The following RFC2 variants were observed in gnomAD, a reference collection of about 807,000 sequenced individuals.
RFC2 encodes replication factor C subunit 2.
RFC2 carries 34 observed loss-of-function variants against 44.8 expected under a neutral mutation model. That is an observed-to-expected ratio of 0.76 (90% CI 0.58 to 1.01). The LOEUF (loss-of-function observed/expected upper bound fraction) is 1.01, where lower values mean the gene tolerates loss of function less well. Ranked by LOEUF, RFC2 falls within the 50% of genes least tolerant of loss-of-function variation. The pLI, the probability that RFC2 is intolerant of heterozygous loss-of-function variation, is 0.00. For missense variants in RFC2, 400 were observed against 453.6 expected (o/e 0.88, Z 1.07); for synonymous variants, 177 against 168.9 (o/e 1.05, Z -0.37).
intron 10 of RFC2, among the ~76,000 whole-genome samples, chr7:74,234,675 G>A (rs564536448): frequency 8.5e-5 from 13 of 152,058 alleles, no homozygotes; most frequent in African/African-American, 2.9e-4. Context: ...CCACCCCAAG[G>A]TAGTGAGTGA....
In RFC2 at chr7:74,254,282, G is replaced by A. The variant is rs145979735; in HGVS notation, c.102C>T (p.Tyr34=). The A allele has an allele frequency of 5.0e-5, 80 of 1,611,422 alleles. No homozygotes were observed. The African/African-American group carries it at 9.6e-4, about 19-fold the overall frequency. The change falls in exon 1 of 11, where the codon TAC becomes TAT. Residue 34 remains tyrosine (Y), a synonymous_variant. Coordinates refer to ENST00000055077, the MANE Select transcript of RFC2 (RefSeq NM_181471.3). ...GCCTGGGACCTCACCACGGCAGTTCGTAGTGGCCGGCGCTGCCGGGGGCCT... is the reference window on the plus strand; with the variant it reads ...GCCTGGGACCTCACCACGGCAGTTCATAGTGGCCGGCGCTGCCGGGGGCCT... ...FSKAPGSAGH[Y]ELPWVEKYRP... is the part of the protein sequence containing the mutation.
chr7:74,237,175 G>A (rs10269162), intron 9 of RFC2, 187 bp downstream of exon 9: 39 of 469,936 alleles, frequency 8.3e-5, no homozygotes, highest in African/African-American at 6.2e-4. Flanking sequence ...GTACAGTGGC[G>A]CAATCACAGC....
chr7:74,248,408 T>C (rs1584262581), intron 4 of RFC2, among the ~76,000 whole-genome samples: 4 of 152,114 alleles, frequency 2.6e-5, no homozygotes, highest in Admixed American at 2.6e-4. Flanking sequence ...GGCAGGAGGA[T>C]TGCTTGAGGC....
intron 9 of RFC2, among the ~76,000 whole-genome samples, chr7:74,237,118 A>T (rs1170197930): frequency 3.4e-5 from 5 of 147,380 alleles, no homozygotes; most frequent in Non-Finnish European, 6.0e-5. Context: ...GATATTAATA[A>T]TTTTTTTTTT....
intron 5 of RFC2, among the ~76,000 whole-genome samples, chr7:74,244,381 C>T (rs952103952): frequency 1.3e-5 from 2 of 151,282 alleles, no homozygotes; most frequent in Non-Finnish European, 2.9e-5. Context: ...GAAACAGAGT[C>T]TTGCTCTGTT....
chr7:74,234,375 T>C (rs1293185423), intron 10 of RFC2, among the ~76,000 whole-genome samples: 1 of 152,160 alleles, frequency 6.6e-6, no homozygotes, highest in Non-Finnish European at 1.5e-5. Flanking sequence ...CTGATGGTGA[T>C]AGTGTTTGCA....
At chr7:74,233,290 A>C (rs1375287824) in intron 10 of RFC2, among the ~76,000 whole-genome samples, 4 of 152,178 alleles carry the variant, frequency 2.6e-5, no homozygotes, top group African/African-American at 9.6e-5. Context: ...AGGCGGGAGG[A>C]TCACTTGAGC....
Position 74,239,918 on chromosome 7 carries a change from A to C in RFC2, c.693+20T>G. On this transcript the variant is annotated intron_variant, in intron 7 of 10. Coordinates refer to ENST00000055077, the MANE Select transcript of RFC2 (RefSeq NM_181471.3). Reference sequence around the variant, plus strand: ...GGCAGGCACAGGATGCCCACGCCTGAATGGTAGCAGCCCACATACCTGCCT... The same window carrying C: ...GGCAGGCACAGGATGCCCACGCCTGCATGGTAGCAGCCCACATACCTGCCT... The C allele has an allele frequency of 1.9e-6, 3 of 1,578,654 alleles. No individual in the cohort carries two copies. The highest frequency in any genetic ancestry group is 2.6e-6 in the Non-Finnish European group (3 of 1,160,714).
In RFC2 at chr7:74,252,493, T is replaced by C. The variant is rs782396570; in HGVS notation, c.119A>G (p.Glu40Gly). 6.3e-7 allele frequency: 1 copy of C among 1,594,090 alleles called. No individual in the cohort carries two copies. Among genetic ancestry groups the C allele is most frequent in the Admixed American group, 1.7e-5 (1 of 59,962 alleles). ...ATTCAGCTTTACTGGCCTATATTTTTCAACCCTGTTAAGAAAATGCATAAA... is the reference window on the plus strand; with the variant it reads ...ATTCAGCTTTACTGGCCTATATTTTCCAACCCTGTTAAGAAAATGCATAAA... ...SAGHYELPWVEKYRPVKLNEI... is the reference protein window; with the variant it reads ...SAGHYELPWVGKYRPVKLNEI... Residue 40 changes from glutamate to glycine, a missense_variant, in exon 2 of 11, where the codon GAA (glutamate) becomes GGA (glycine). Glu to Gly is a moderately conservative substitution (Grantham distance 98). Coordinates refer to ENST00000055077, the MANE Select transcript of RFC2 (RefSeq NM_181471.3).
At chr7:74,237,655 A>G (rs1309783082) in intron 8 of RFC2, among the ~76,000 whole-genome samples, 2 of 152,246 alleles carry the variant, frequency 1.3e-5, no homozygotes, top group African/African-American at 4.8e-5. Context: ...TTTCCCAAAC[A>G]TAAGACAGAT....
At chr7:74,244,163 G>A (rs767765398) in intron 5 of RFC2, among the ~76,000 whole-genome samples, 13 of 150,894 alleles carry the variant, frequency 8.6e-5, no homozygotes, top group Admixed American at 2.0e-4. Flanking sequence ...AGCTACTCGT[G>A]AGGCTGAGGC....
At chr7:74,243,013 G>A (rs2116304357) in intron 6 of RFC2, 133 bp downstream of exon 6, 1 of 616,514 alleles carries the variant, frequency 1.6e-6, no homozygotes, top group Admixed American at 2.8e-5. Flanking sequence ...GAGCACAGGA[G>A]TTTGAGGCTG....
Position 74,249,071 on chromosome 7 carries a change from C to T in RFC2, c.273G>A (p.Arg91=), listed in dbSNP as rs146033930. 1.1e-5 allele frequency: 18 copies of T among 1,614,016 alleles called. No homozygotes were observed. The highest frequency in any genetic ancestry group is 1.7e-4 in the Middle Eastern group (1 of 6,056). Residue 91 remains arginine (R), a synonymous_variant, in exon 4 of 11, where the codon CGG becomes CGA. Transcript: ENST00000055077. ...GKTTSILCLA[R]ALLGPALKDA... ...CTTTGAGTGCTGGGCCCAGCAGGGC[C>T]CGGGCCAAGCACAGAATGCTTGTGG... is the stretch of plus-strand genomic sequence containing the variant.
chr7:74,239,899 C>A, intron 7 of RFC2, 39 bp downstream of exon 7: 1 of 1,541,316 alleles, frequency 6.5e-7, no homozygotes, highest in Non-Finnish European at 8.8e-7. Flanking sequence ...GCATGGCAGG[C>A]ACAGGATGCC....
At chr7:74,239,175 T>A (rs1277755711) in intron 7 of RFC2, among the ~76,000 whole-genome samples, 187 bp from the exon 8 acceptor site, 1 of 144,882 alleles carries the variant, frequency 6.9e-6, no homozygotes, top group Non-Finnish European at 1.5e-5. Context: ...GGTGACTTTT[T>A]TTTTTTTTTT....
chr7:74,251,963 G>A (rs1786984218), intron 2 of RFC2, among the ~76,000 whole-genome samples: 1 of 149,976 alleles, frequency 6.7e-6, no homozygotes, highest in Non-Finnish European at 1.5e-5. Context: ...GCCAGGCATG[G>A]TGGCGGGCGC....
chr7:74,251,914 G>A (rs1187219178), intron 2 of RFC2, among the ~76,000 whole-genome samples: 7 of 146,930 alleles, frequency 4.8e-5, no homozygotes, highest in South Asian at 4.3e-4. Context: ...TGGCTAACAC[G>A]GTGAAACCCC....
chr7:74,238,475 G>A lies in RFC2; in HGVS notation c.759+448C>T, dbSNP rs1803145176. ...CCCACCCTCCAGGGGCAGAAGTGGG[G>A]AGCAGGGCACAGCATTGCAGAAAAA... is the stretch of plus-strand genomic sequence containing the variant. On this transcript the variant is annotated intron_variant, in intron 8 of 10. Coordinates refer to ENST00000055077, the MANE Select transcript of RFC2 (RefSeq NM_181471.3). This position sits in a 1 kb window ranked among gnomAD's most constrained non-coding sequence, Gnocchi z 4.0. Among the ~76,000 whole-genome samples the A allele has an allele frequency of 6.6e-6, 1 of 152,118 alleles. No individual in the cohort carries two copies. The highest frequency in any genetic ancestry group is 1.5e-5 in the Non-Finnish European group (1 of 68,020).
chr7:74,242,488 A>T (rs1032357262), intron 6 of RFC2, among the ~76,000 whole-genome samples: 1 of 152,190 alleles, frequency 6.6e-6, no homozygotes, highest in African/African-American at 2.4e-5. Context: ...TTAAAAGTTG[A>T]TTACAATGGG....
Sources: allele counts gnomAD v4.1 joint callset (sites outside exome capture counted in the v4.1 genomes callset), GRCh38; gene constraint gnomAD v4.1.1; non-coding constraint Gnocchi (gnomAD v3.1); transcripts MANE v1.5; gene names NCBI Gene and HGNC (gene_info 2026-07-23, HGNC 2026-07-21).